The following GP2 variants were observed in gnomAD, a reference collection of about 807,000 sequenced individuals.
GP2 encodes the protein pancreatic secretory granule membrane major glycoprotein GP2.
GP2 carries 58 observed loss-of-function variants against 60.8 expected under a neutral mutation model. That is an observed-to-expected ratio of 0.95 (90% CI 0.77 to 1.19). The LOEUF (loss-of-function observed/expected upper bound fraction) is 1.19, where lower values mean the gene tolerates loss of function less well. GP2 is among the 50% of genes most tolerant of loss of function. GP2 has a pLI of 0.00. For synonymous variants in GP2, 280 were observed against 253.4 expected (o/e 1.10, Z -1.00); for missense variants, 647 against 667.4 (o/e 0.97, Z 0.34).
rs141536185 is a variant in GP2 at position 20,315,755 on chromosome 16, G to A, written c.1501+201C>T. On this transcript the variant is annotated intron_variant, in intron 9 of 10. Transcript: ENST00000302555. ...GTGAATTGATGGATGCAAGAGCTTAGCCTGGTCTCTAAGCACACAGGAGGT... is the reference window on the plus strand; with the variant it reads ...GTGAATTGATGGATGCAAGAGCTTAACCTGGTCTCTAAGCACACAGGAGGT... Among the ~76,000 whole-genome samples the A allele has an allele frequency of 8.4e-3, 1,275 of 152,282 alleles. 26 individuals carry two copies. Among genetic ancestry groups the A allele is most frequent in the East Asian group, 0.034 (174 of 5,182 alleles).
chr16:20,322,840 G>A (rs1396636816), intron 4 of GP2, 29 bp downstream of exon 4: 1 of 1,201,610 alleles, frequency 8.3e-7, no homozygotes, highest in African/African-American at 1.5e-5. Flanking sequence ...CCCTCAGGAT[G>A]GTAGTTACTT....
intron 10 of GP2, among the ~76,000 whole-genome samples, chr16:20,313,595 C>A (rs1371552763): frequency 6.6e-6 from 1 of 152,170 alleles, no homozygotes; most frequent in Middle Eastern, 3.2e-3. Flanking sequence ...GTTTTTCTGA[C>A]CACTTATCCA....
chr16:20,312,304 A>G (rs888871745), intron 10 of GP2, among the ~76,000 whole-genome samples: 6 of 152,236 alleles, frequency 3.9e-5, no homozygotes, highest in African/African-American at 7.2e-5. Context: ...CCCCAATTTC[A>G]AAGTAACTGG....
intron 2 of GP2, 114 bp downstream of exon 2, chr16:20,326,224 T>C: frequency 1.2e-6 from 1 of 815,636 alleles, no homozygotes; most frequent in Admixed American, 2.3e-5. Context: ...CTCTGAGTTT[T>C]TGCTTTAGAA....
chr16:20,316,755 A>G (rs531680355), intron 8 of GP2, among the ~76,000 whole-genome samples: 10 of 151,618 alleles, frequency 6.6e-5, no homozygotes, highest in African/African-American at 2.2e-4. Flanking sequence ...GAGTCTATCT[A>G]TTTATTGTTC....
Position 20,318,292 on chromosome 16 carries a change from G to T in GP2, c.1146C>A (p.Ile382=). 6.2e-7 allele frequency: 1 copy of T among 1,613,706 alleles called. No individual in the cohort carries two copies. Among genetic ancestry groups the T allele is most frequent in the Non-Finnish European group, 8.5e-7 (1 of 1,179,584 alleles). The change falls in exon 7 of 11, where the codon ATC becomes ATA. Residue 382 remains isoleucine, a synonymous_variant. Transcript: ENST00000302555. The part of the protein sequence containing the change: ...SVESVLYVGA[I]LEQGDTSRFN... ...ACCGGGAGGTGTCCCCTTGTTCCAA[G>T]ATGGCACCCACATACAGCACGGACT...
Position 20,317,216 on chromosome 16 carries a change from C to T in GP2, c.1413G>A (p.Gln471=), listed in dbSNP as rs751485268. The T allele has an allele frequency of 1.9e-6, 3 of 1,610,672 alleles. No homozygotes were observed. The highest frequency in any genetic ancestry group is 2.2e-5 in the East Asian group (1 of 44,772). Residue 471 remains glutamine, a synonymous_variant, in exon 8 of 11, where the codon CAG becomes CAA. Coordinates refer to ENST00000302555, the MANE Select transcript of GP2 (RefSeq NM_001502.4). ...TTCAGTTCAAAGAGACACTCACAGGCTGGCACTGTTCATTAAGAGAATCAC... is the reference window on the plus strand; with the variant it reads ...TTCAGTTCAAAGAGACACTCACAGGTTGGCACTGTTCATTAAGAGAATCAC... ...HLCDSLNEQC[Q]PSCSRSQVRS... is the part of the protein sequence containing the mutation.
chr16:20,324,375 CG>C, intron 2 of GP2, 119 bp from the exon 3 acceptor site: 1 of 628,076 alleles, frequency 1.6e-6, no homozygotes, highest in Non-Finnish European at 2.9e-6. Flanking sequence ...AATACACACA[CG>C]GTCCATTAAT....
intron 7 of GP2, 56 bp from the exon 8 acceptor site, chr16:20,317,431 TAAAG>T (rs1964219041): frequency 2.2e-6 from 3 of 1,373,996 alleles, no homozygotes; most frequent in Non-Finnish European, 3.1e-6. Context: ...TGGAGAAAAT[TAAAG>T]AGTCCCTCGG....
rs528790885 is a variant in GP2 at position 20,317,263 on chromosome 16, G to A, written c.1366C>T (p.Leu456=). ...TCACAGAGATGAATCTCACAATGCA[G>A]GAAAACTAGGTCATAATGTCCAGCA... is the stretch of plus-strand genomic sequence containing the variant. ...MFAGHYDLVF[L]HCEIHLCDSL... Residue 456 remains leucine, a synonymous_variant, in exon 8 of 11, where the codon CTG becomes TTG. Transcript: ENST00000302555. 2 of 1,613,598 alleles carry A rather than the reference G, an allele frequency of 1.2e-6. No individual in the cohort carries two copies. The highest frequency in any genetic ancestry group is 2.2e-5 in the South Asian group (2 of 91,058).
At chr16:20,320,589 G>C in intron 4 of GP2, 116 bp from the exon 5 acceptor site, 1 of 723,634 alleles carries the variant, frequency 1.4e-6, no homozygotes, top group Non-Finnish European at 2.3e-6. Flanking sequence ...AGGTCCCTGG[G>C]ATCCAGATGG....
At chr16:20,326,176 T>A in intron 2 of GP2, 162 bp downstream of exon 2, 1 of 619,414 alleles carries the variant, frequency 1.6e-6, no homozygotes, top group South Asian at 1.9e-5. Flanking sequence ...TGTGACTTGA[T>A]TTCCATTGTT....
intron 8 of GP2, among the ~76,000 whole-genome samples, chr16:20,316,548 G>C (rs1313677202): frequency 1.3e-5 from 2 of 152,068 alleles, no homozygotes; most frequent in Non-Finnish European, 2.9e-5. Flanking sequence ...CTACTTACAG[G>C]GTTGTTCTGA....
At chr16:20,323,199 A>G (rs1448574532) in intron 3 of GP2, among the ~76,000 whole-genome samples, 1 of 152,212 alleles carries the variant, frequency 6.6e-6, no homozygotes, top group African/African-American at 2.4e-5. Flanking sequence ...TATTCTAAGG[A>G]CAAGGAATGT....
intron 4 of GP2, among the ~76,000 whole-genome samples, chr16:20,322,215 A>C (rs1381296993): frequency 1.3e-5 from 2 of 152,228 alleles, no homozygotes; most frequent in African/African-American, 2.4e-5. Flanking sequence ...CTTGTGCCAA[A>C]GGCAAGATCA....
intron 9 of GP2, among the ~76,000 whole-genome samples, chr16:20,315,190 T>G (rs758804432): frequency 1.3e-5 from 2 of 152,212 alleles, no homozygotes; most frequent in African/African-American, 4.8e-5. Context: ...ATGGTGATAA[T>G]GCTTACCTCC....
rs763784524 is a variant in GP2, at chr16:20,320,359, C to T, written c.761G>A (p.Arg254Gln). ...CAAGATGCTGCTGCAGTTTGGGTCT[C>T]GCAGGTAGGCAATGACCTCCTCCCC... is the stretch of plus-strand genomic sequence containing the variant. ...GLGEEVIAYL[R>Q]DPNCSSILQT... Residue 254 changes from arginine (R) to glutamine (Q), a missense_variant, in exon 5 of 11, where the codon CGA becomes CAA. Physicochemically the swap from Arg to Gln is conservative, Grantham distance 43 (BLOSUM62 1). Coordinates refer to ENST00000302555, the MANE Select transcript of GP2 (RefSeq NM_001502.4). 50 of 1,613,906 alleles carry T rather than the reference C, an allele frequency of 3.1e-5. No individual in the cohort carries two copies. The highest frequency in any genetic ancestry group is 3.3e-4 in the Middle Eastern group (2 of 6,062).
Position 20,318,325 on chromosome 16 carries a change from C to G in GP2, c.1113G>C (p.Leu371=), listed in dbSNP as rs199622448. The part of the protein sequence containing the change: ...TNPYEGDAVE[L]SVESVLYVGA... ...CCACATACAGCACGGACTCAACAGACAGTTCAACTGCATCCCCTTCGTAAG... is the reference window on the plus strand; with the variant it reads ...CCACATACAGCACGGACTCAACAGAGAGTTCAACTGCATCCCCTTCGTAAG... Residue 371 remains leucine (L), a synonymous_variant, in exon 7 of 11, where the codon CTG becomes CTC. Coordinates refer to ENST00000302555, the MANE Select transcript of GP2 (RefSeq NM_001502.4). 1.9e-6 allele frequency: 3 copies of G among 1,613,924 alleles called. No individual in the cohort carries two copies. Among genetic ancestry groups the G allele is most frequent in the Non-Finnish European group, 1.7e-6 (2 of 1,179,780 alleles).
chr16:20,323,495 C>A lies in GP2; in HGVS notation c.535+321G>T, dbSNP rs563618046. The A allele has an allele frequency of 6.0e-4, 351 of 589,692 alleles. 3 individuals are homozygous for A. The highest frequency in any genetic ancestry group is 7.6e-4 in the Non-Finnish European group (236 of 312,558). 36.5% of individuals were successfully genotyped at this position (589,692 alleles called of 1,614,324 possible). On this transcript the variant is annotated intron_variant, in intron 3 of 10. Coordinates refer to ENST00000302555, the MANE Select transcript of GP2 (RefSeq NM_001502.4). Reference sequence around the variant, plus strand: ...TGTTATTTTTGCTGTACCCCCCCCCCCTTTTTTTCAGATCAGAACACTGAG... The same window carrying A: ...TGTTATTTTTGCTGTACCCCCCCCCACTTTTTTTCAGATCAGAACACTGAG...
Sources: allele counts gnomAD v4.1 joint callset (sites outside exome capture counted in the v4.1 genomes callset), GRCh38; gene constraint gnomAD v4.1.1; transcripts MANE v1.5; gene names NCBI Gene and HGNC (gene_info 2026-07-23, HGNC 2026-07-21).